Variants in KLRG1 observed in about 807,000 individuals in gnomAD.
The protein encoded by KLRG1 is killer cell lectin like receptor G1.
Under a neutral mutation model 21.8 loss-of-function variants are expected in KLRG1, and 16 were observed. That is an observed-to-expected ratio of 0.73 (90% CI 0.50 to 1.11). The LOEUF is 1.11. KLRG1 is among the 50% of genes most tolerant of loss of function. The pLI is 0.00. For synonymous variants in KLRG1, 69 were observed against 75.9 expected (o/e 0.91, Z 0.47); for missense variants, 173 against 218.3 (o/e 0.79, Z 1.31).
At chr12:8,958,880 G>A (rs1946338949) in intron 1 of KLRG1, among the ~76,000 whole-genome samples, 1 of 152,046 alleles carries the variant, frequency 6.6e-6, no homozygotes, top group Non-Finnish European at 1.5e-5. Context: ...AATCCTGCTG[G>A]GGTTACAATT....
the KLRG1 span, among the ~76,000 whole-genome samples, chr12:9,074,994 C>T: frequency 6.6e-6 from 1 of 152,252 alleles, no homozygotes; most frequent in Admixed American, 6.5e-5. Flanking sequence ...AAGCCTATGC[C>T]TATCTATGTT....
chr12:9,152,872 C>G, the KLRG1 span: 36 of 1,613,980 alleles, frequency 2.2e-5, no homozygotes, highest in Non-Finnish European at 2.9e-5. Flanking sequence ...GTGTCCATCG[C>G]AAGTTTGGGG....
At chr12:9,074,418 A>G in the KLRG1 span, 2 of 813,658 alleles carry the variant, frequency 2.5e-6, no homozygotes, top group Non-Finnish European at 1.9e-6. Flanking sequence ...TTTTATTTCC[A>G]TTATCCTTGG....
chr12:9,151,546 A>G, the KLRG1 span: 1 of 1,381,022 alleles, frequency 7.2e-7, no homozygotes, highest in South Asian at 1.2e-5. Flanking sequence ...TCTAGTAAAG[A>G]GACTCACTTA....
the KLRG1 span, among the ~76,000 whole-genome samples, chr12:9,194,747 A>T: frequency 6.6e-6 from 1 of 152,108 alleles, no homozygotes; most frequent in Non-Finnish European, 1.5e-5. Context: ...TACAGGCGTG[A>T]GCCACCGTGC....
the KLRG1 span, chr12:9,052,785 A>G: frequency 4.7e-5 from 20 of 426,626 alleles, no homozygotes; most frequent in Non-Finnish European, 6.8e-5. Flanking sequence ...TCATTTAAAA[A>G]TGGGATTAAT....
chr12:9,197,502 T>C, the KLRG1 span, among the ~76,000 whole-genome samples: 3 of 128,356 alleles, frequency 2.3e-5, no homozygotes, highest in East Asian at 6.3e-4. Flanking sequence ...TATATAAATA[T>C]ATTATGTATA....
chr12:9,101,670 T>C, the KLRG1 span: 13 of 1,609,000 alleles, frequency 8.1e-6, no homozygotes, highest in African/African-American at 4.0e-5. Context: ...ATCCTTGTAA[T>C]TGACCTAATG....
the KLRG1 span, among the ~76,000 whole-genome samples, chr12:9,025,937 T>G: frequency 6.6e-6 from 1 of 152,342 alleles, no homozygotes; most frequent in East Asian, 1.9e-4. Flanking sequence ...GACAGCAGAA[T>G]TTTTGAATAA....
chr12:9,120,046 T>G, the KLRG1 span, among the ~76,000 whole-genome samples: 11 of 152,226 alleles, frequency 7.2e-5, no homozygotes, highest in Admixed American at 1.3e-4. Context: ...TGGTCTCACC[T>G]TAATGGGGTA....
intron 4 of KLRG1, among the ~76,000 whole-genome samples, 162 bp downstream of exon 4, chr12:9,009,237 CAAAAA>C (rs112576720): frequency 0.31 from 33,071 of 107,878 alleles, 4,275 homozygotes; most frequent in South Asian, 0.43. Context: ...TGGGTAAGGG[CAAAAA>C]AAAAAAAAAA....
At chr12:9,097,779 C>T in the KLRG1 span, among the ~76,000 whole-genome samples, 14 of 151,994 alleles carry the variant, frequency 9.2e-5, no homozygotes, top group African/African-American at 3.4e-4. Context: ...ATGACAGGCG[C>T]CCGCCACCAC....
At chr12:8,975,149 C>T (rs747683501) in intron 1 of KLRG1, among the ~76,000 whole-genome samples, 3 of 152,144 alleles carry the variant, frequency 2.0e-5, no homozygotes, top group Non-Finnish European at 4.4e-5. Flanking sequence ...ATCTGCCTGC[C>T]TCGGCCTCCC....
the KLRG1 span, among the ~76,000 whole-genome samples, chr12:9,085,433 T>G: frequency 6.6e-6 from 1 of 151,952 alleles, no homozygotes; most frequent in East Asian, 1.9e-4. Flanking sequence ...ATAAAGAAAT[T>G]TAAAAGGAAA....
In KLRG1 at chr12:8,995,179, G is replaced by A; in HGVS notation, c.248G>A (p.Gly83Asp). Residue 83 changes from glycine (G) to aspartate (D), a missense_variant, in exon 3 of 5, where the codon GGT (glycine) becomes GAT (aspartate). Gly to Asp is a moderately conservative substitution (Grantham distance 94). Coordinates refer to ENST00000356986, the MANE Select transcript of KLRG1 (RefSeq NM_005810.4). The part of the protein sequence containing the change: ...PSCPDRWMKY[G>D]NHCYYFSVEE... ...TGCCCAGACCGCTGGATGAAATATG[G>A]TAACCATTGTTATTATTTCTCAGTG... 6.2e-7 allele frequency: 1 copy of A among 1,613,660 alleles called. No individual in the cohort carries two copies. The highest frequency in any genetic ancestry group is 8.5e-7 in the Non-Finnish European group (1 of 1,179,808).
chr12:9,163,804 A>G, the KLRG1 span: 6 of 1,608,840 alleles, frequency 3.7e-6, no homozygotes, highest in Admixed American at 6.8e-5. Context: ...AACAAGGAAT[A>G]TTGAAAACAT....
chr12:9,127,199 G>A, the KLRG1 span, among the ~76,000 whole-genome samples: 1 of 152,070 alleles, frequency 6.6e-6, no homozygotes, highest in African/African-American at 2.4e-5. Context: ...CATTTTTGCC[G>A]TCTGGGTTGT....
chr12:9,107,025 T>A, the KLRG1 span, among the ~76,000 whole-genome samples: 1 of 152,238 alleles, frequency 6.6e-6, no homozygotes, highest in Non-Finnish European at 1.5e-5. Context: ...GTTCAAGTCC[T>A]GTCCACTTGC....
the KLRG1 span, chr12:9,159,829 C>A: frequency 2.1e-6 from 2 of 947,108 alleles, no homozygotes; most frequent in African/African-American, 1.7e-5. Context: ...TTATAAATTA[C>A]CTAGTTTCAG....
Sources: gnomAD v4.1 joint callset for allele counts (sites outside exome capture counted in the v4.1 genomes callset) on GRCh38, gnomAD v4.1.1 for gene constraint, MANE v1.5 for transcripts, NCBI Gene and HGNC (gene_info 2026-07-23, HGNC 2026-07-21) for gene names.